TENM2: variants seen among roughly 807,000 people sequenced by gnomAD.
TENM2 encodes teneurin-2.
TENM2 carries 52 observed loss-of-function variants against 245.2 expected under a neutral mutation model. That is an observed-to-expected ratio of 0.21 (90% confidence interval 0.17 to 0.27). The LOEUF (loss-of-function observed/expected upper bound fraction) is 0.27, where lower values mean the gene tolerates loss of function less well. Ranked by LOEUF, TENM2 falls within the 10% of genes least tolerant of loss-of-function variation. TENM2 has a pLI of 1.00. For missense variants in TENM2, 3,046 were observed against 3,666.8 expected, an observed-to-expected ratio of 0.83 and a Z score of 4.37; for synonymous variants, 1,363 against 1,438.9, an observed-to-expected ratio of 0.95 and a Z score of 1.19.
the TENM2 span, among the ~76,000 whole-genome samples, chr5:167,127,834 C>T: frequency 5.3e-5 from 8 of 152,058 alleles, no homozygotes; most frequent in Non-Finnish European, 1.5e-5. Context: ...GCCTCTTTGG[C>T]AGTTGACCTT....
chr5:167,059,372 C>A, the TENM2 span, among the ~76,000 whole-genome samples: 1 of 152,138 alleles, frequency 6.6e-6, no homozygotes, highest in Non-Finnish European at 1.5e-5. Flanking sequence ...TTCCTATTCA[C>A]CCATATAAAC....
chr5:168,017,925 T>A (rs1490891214), intron 5 of TENM2, among the ~76,000 whole-genome samples: 1 of 152,166 alleles, frequency 6.6e-6, no homozygotes, highest in Non-Finnish European at 1.5e-5. Flanking sequence ...ATAATAGCTT[T>A]CTTCTGTTCC....
At chr5:167,670,919 G>A (rs1263594574) in intron 2 of TENM2, among the ~76,000 whole-genome samples, 20 of 152,038 alleles carry the variant, frequency 1.3e-4, no homozygotes. Flanking sequence ...CTCTGTAGGA[G>A]AGACTGGGAA....
At chr5:167,863,458 TACAC>T (rs35475369) in intron 2 of TENM2, among the ~76,000 whole-genome samples, 4,501 of 143,212 alleles carry the variant, frequency 0.031, 80 homozygotes, top group African/African-American at 0.048. Context: ...CTACTAAAAA[TACAC>T]ACACACACAC....
At chr5:167,895,985 G>A (rs948991867) in intron 3 of TENM2, among the ~76,000 whole-genome samples, 1 of 152,218 alleles carries the variant, frequency 6.6e-6, no homozygotes, top group African/African-American at 2.4e-5. Flanking sequence ...CCAGGTACTT[G>A]GCCTTAAGGG....
chr5:167,386,169 C>T (rs2127349984), intron 2 of TENM2, among the ~76,000 whole-genome samples: 1 of 152,142 alleles, frequency 6.6e-6, no homozygotes, highest in Non-Finnish European at 1.5e-5. Context: ...TCCCTGTTCA[C>T]CGCATCTATT....
chr5:168,199,097 A>T, exon 16 of TENM2: 1 of 1,612,074 alleles, frequency 6.2e-7, no homozygotes, highest in Non-Finnish European at 8.5e-7. Context: ...GCAGAATCCC[A>T]TCGTGCCTGA....
the TENM2 span, among the ~76,000 whole-genome samples, chr5:167,239,713 G>C: frequency 6.6e-6 from 1 of 152,052 alleles, no homozygotes; most frequent in East Asian, 1.9e-4. Context: ...AGAAACAGTT[G>C]AGAAATACAT....
In TENM2 at chr5:168,244,492, C is replaced by T. The variant is rs1276850916; in HGVS notation, c.5593C>T (p.Arg1865Trp). The change falls in exon 26 of 29, where the codon CGG becomes TGG. Residue 1865 changes from arginine to tryptophan, a missense_variant. This residue lies in a region of TENM2 where 2,704 missense variants were observed against 3,331.9 expected (regional missense o/e 0.81). Coordinates refer to ENST00000518659, the Ensembl canonical transcript of TENM2. This position sits in a 1 kb window ranked among gnomAD's most constrained non-coding sequence, Gnocchi z 4.9. ...GACTGAAAAGATCTATGATGACCAC[C>T]GGAAGTTCACCCTGAGGATCATTTA... The T allele has an allele frequency of 1.9e-6, 3 of 1,608,824 alleles. No individual in the cohort carries two copies. Among genetic ancestry groups the T allele is most frequent in the Admixed American group, 1.7e-5 (1 of 59,448 alleles).
At chr5:167,116,058 A>G in the TENM2 span, among the ~76,000 whole-genome samples, 1 of 152,204 alleles carries the variant, frequency 6.6e-6, no homozygotes, top group Non-Finnish European at 1.5e-5. Flanking sequence ...GAGAATGTTT[A>G]TTTCTGCCTG....
At chr5:167,235,354 C>T in the TENM2 span, among the ~76,000 whole-genome samples, 1 of 152,148 alleles carries the variant, frequency 6.6e-6, no homozygotes, top group East Asian at 1.9e-4. Flanking sequence ...TGGGGGAACA[C>T]AATTCAGCCT....
chr5:168,013,981 G>A (rs554504117), intron 5 of TENM2, among the ~76,000 whole-genome samples: 12 of 152,200 alleles, frequency 7.9e-5, no homozygotes, highest in South Asian at 6.2e-4. Flanking sequence ...CTGTCCCTGC[G>A]TCCAAGTTTT....
At chr5:167,523,922 A>T (rs960378813) in intron 2 of TENM2, among the ~76,000 whole-genome samples, 2 of 152,124 alleles carry the variant, frequency 1.3e-5, no homozygotes, top group Admixed American at 6.6e-5. Context: ...ATGATCCTGG[A>T]ATAAAGTTAA....
intron 1 of TENM2, among the ~76,000 whole-genome samples, chr5:167,308,669 C>T (rs1755828403): frequency 6.6e-6 from 1 of 152,160 alleles, no homozygotes; most frequent in Non-Finnish European, 1.5e-5. Context: ...GTGAATTCTG[C>T]TTATCACTTG....
At chr5:167,155,384 C>G in the TENM2 span, among the ~76,000 whole-genome samples, 1 of 152,340 alleles carries the variant, frequency 6.6e-6, no homozygotes, top group East Asian at 1.9e-4. Context: ...AAACCTATGT[C>G]AGGCTCCTGT....
chr5:167,621,027 G>C lies in TENM2; in HGVS notation c.502+245554G>C, dbSNP rs75166987. The stretch of plus-strand genomic sequence containing the variant: ...CAGATCCCAATATCAACACTAAGAA[G>C]TAAGGAGAGAGACAGGATGGAAAAT... On this transcript the variant is annotated intron_variant, in intron 2 of 28. Coordinates refer to ENST00000518659, the Ensembl canonical transcript of TENM2. Among the ~76,000 whole-genome samples the C allele has an allele frequency of 9.0e-3, 1,366 of 152,198 alleles. 26 individuals are homozygous for C. Among genetic ancestry groups the C allele is most frequent in the African/African-American group, 0.031 (1,297 of 41,524 alleles).
rs546821411 is a variant in TENM2, at chr5:167,944,474, T to A, written c.713-8114T>A. 1.3e-4 allele frequency among the ~76,000 whole-genome samples: 20 copies of A among 151,490 alleles called. 1 individual carries two copies. Among genetic ancestry groups the A allele is most frequent in the African/African-American group, 4.6e-4 (19 of 41,228 alleles). ...AGGCCTGCAGGGGACCTGCTTCAGG[T>A]TGCCAGGGGAAGATCTTTTTAAGTG... On this transcript the variant is annotated intron_variant, in intron 3 of 28. Transcript: ENST00000518659.
At chr5:167,582,304 T>A (rs1239111583) in intron 2 of TENM2, among the ~76,000 whole-genome samples, 1 of 152,206 alleles carries the variant, frequency 6.6e-6, no homozygotes, top group Non-Finnish European at 1.5e-5. Context: ...TGAAAAGATA[T>A]GTAATTGAGC....
At chr5:168,178,754 G>T (rs910610035) in intron 13 of TENM2, among the ~76,000 whole-genome samples, 2 of 152,184 alleles carry the variant, frequency 1.3e-5, no homozygotes, top group South Asian at 2.1e-4. Flanking sequence ...CCTATATATG[G>T]CTGTGACTGC....
Sources: gnomAD v4.1 joint callset for allele counts (sites outside exome capture counted in the v4.1 genomes callset) on GRCh38, gnomAD v4.1.1 for gene constraint, gnomAD v4.1.1 regional missense constraint, Gnocchi (gnomAD v3.1) non-coding constraint, MANE v1.5 for transcripts, NCBI Gene and HGNC (gene_info 2026-07-23, HGNC 2026-07-21) for gene names.